The following TXNRD1 variants were observed in gnomAD, a reference collection of about 807,000 sequenced individuals.
The protein encoded by TXNRD1 is thioredoxin reductase 1.
A neutral mutation model predicts 80.3 loss-of-function variants in TXNRD1; 57 were observed. The observed-to-expected ratio is 0.71, with a 90% CI of 0.57 to 0.89. The LOEUF (loss-of-function observed/expected upper bound fraction) is 0.89, where lower values mean the gene tolerates loss of function less well. Among genes scored for constraint, TXNRD1 ranks in the 40% least tolerant of loss-of-function variants. The pLI, the probability that TXNRD1 is intolerant of heterozygous loss-of-function variation, is 0.00. For synonymous variants in TXNRD1, 291 were observed against 285.2 expected (o/e 1.02, Z -0.20); for missense variants, 730 against 803.0 (o/e 0.91, Z 1.10).
intron 2 of TXNRD1, among the ~76,000 whole-genome samples, chr12:104,252,660 T>TATATATATATATATATATATATATATATA (rs1182730147): frequency 1.9e-5 from 1 of 53,206 alleles, no homozygotes; most frequent in African/African-American, 1.1e-4. Context: ...ATTTATTATT[T>TATATATATATATATATATATATATATATA]TTTATATATA....
intron 3 of TXNRD1, chr12:104,286,944 ACT>A: frequency 8.3e-7 from 1 of 1,205,700 alleles, no homozygotes; most frequent in Non-Finnish European, 1.0e-6. Flanking sequence ...TGTCATTCTG[ACT>A]CTGGCAGTTA....
chr12:104,309,935 G>A lies in TXNRD1; in HGVS notation c.415-1355G>A, dbSNP rs984430913. The A allele has an allele frequency of 1.2e-5, 18 of 1,536,030 alleles. No homozygotes were observed. The South Asian group carries it at 1.3e-4, about 11-fold the overall frequency. ...AGTCCCTGAGCCACTACGTATGCCC[G>A]CCATGCTGCCAACAGGTAGCCACAG... On this transcript the variant is annotated intron_variant, in intron 4 of 16. Transcript: ENST00000525566.
chr12:104,342,026 T>C (rs544581210), intron 16 of TXNRD1, among the ~76,000 whole-genome samples: 117 of 152,282 alleles, frequency 7.7e-4, no homozygotes, highest in African/African-American at 2.6e-3. Flanking sequence ...AGAGCTTCCA[T>C]GTCCTCTCTA....
At chr12:104,317,406 A>G (rs1251500738) in intron 7 of TXNRD1, among the ~76,000 whole-genome samples, 1 of 145,584 alleles carries the variant, frequency 6.9e-6, no homozygotes. Context: ...CAATTTCTTA[A>G]GGTTTGCTCT....
chr12:104,310,019 T>C, intron 4 of TXNRD1: 1 of 1,536,192 alleles, frequency 6.5e-7, no homozygotes, highest in Non-Finnish European at 8.7e-7. Flanking sequence ...CCAAGAACCT[T>C]CTTCTTCCGC....
intron 1 of TXNRD1, among the ~76,000 whole-genome samples, chr12:104,232,323 G>T (rs940551818): frequency 3.3e-5 from 5 of 152,118 alleles, no homozygotes; most frequent in Admixed American, 6.6e-5. Context: ...AACACTTTGG[G>T]AGGCCGAGGT....
intron 16 of TXNRD1, chr12:104,346,097 T>TG (rs1277150967): frequency 2.3e-6 from 2 of 866,102 alleles, no homozygotes; most frequent in Non-Finnish European, 3.3e-6. Flanking sequence ...ACTGCAGCCT[T>TG]GACCTTTCAA....
intron 2 of TXNRD1, among the ~76,000 whole-genome samples, chr12:104,254,644 A>AAAAAAAAAAAAAAATATATAT: frequency 1.9e-4 from 18 of 93,626 alleles, no homozygotes; most frequent in Non-Finnish European, 2.7e-4. Context: ...AAAAAAAAAA[A>AAAAAAAAAAAAAAATATATAT]ATATATATAT....
chr12:104,313,168 A>G, intron 5 of TXNRD1, 77 bp from the exon 6 acceptor site: 2 of 1,191,126 alleles, frequency 1.7e-6, no homozygotes, highest in Middle Eastern at 3.8e-4. Context: ...TTAAAAAAAA[A>G]TCATGGATTT....
At chr12:104,325,210 G>A in intron 10 of TXNRD1, 127 bp from the exon 11 acceptor site, 3 of 674,314 alleles carry the variant, frequency 4.4e-6, no homozygotes, top group Non-Finnish European at 8.1e-6. Context: ...GAGGGAGATG[G>A]GACATAAAAG....
At position 104,304,076 on chromosome 12, in the gene TXNRD1, A is replaced by G. The variant is rs1414055603; in HGVS notation, c.415-7214A>G. ...CATCCGCAGGCAGTACCGGCAGCTC[A>G]TGTACTGCGTGCGGCAGAACCGGGA... On this transcript the variant is annotated intron_variant, in intron 4 of 16. Coordinates refer to ENST00000525566, the MANE Select transcript of TXNRD1 (RefSeq NM_001093771.3). The G allele has an allele frequency of 3.7e-6, 6 of 1,613,944 alleles. No homozygotes were observed. The South Asian group carries it at 5.5e-5, about 15-fold the overall frequency.
intron 10 of TXNRD1, among the ~76,000 whole-genome samples, chr12:104,324,448 T>G (rs1235076316): frequency 6.8e-6 from 1 of 147,168 alleles, no homozygotes; most frequent in Admixed American, 6.9e-5. Context: ...GCCTCCCGGG[T>G]TCACGCCATT....
chr12:104,303,685 C>T (rs1025958391), intron 4 of TXNRD1: 2 of 550,850 alleles, frequency 3.6e-6, no homozygotes, highest in Non-Finnish European at 6.0e-6. Context: ...GCGGGGCTGT[C>T]TTCCCGCGGA....
chr12:104,215,885 G>A lies in TXNRD1; in HGVS notation c.83G>A (p.Arg28His). Residue 28 changes from arginine (R) to histidine (H), a missense_variant, in exon 1 of 17, where the codon CGT becomes CAT. Transcript: ENST00000525566. ...AAAGGCAAGAACGGCGATGGCCGCC[G>A]TAGGTCAGGTACGACCGAGGGCGAA... ...QTKGKNGDGR[R>H]RSAKDHHPGK... 1.9e-6 allele frequency: 3 copies of A among 1,554,958 alleles called. No homozygotes were observed. The highest frequency in any genetic ancestry group is 2.4e-5 in the East Asian group (1 of 41,184).
chr12:104,249,718 G>A (rs1315912699), intron 1 of TXNRD1, among the ~76,000 whole-genome samples: 2 of 151,954 alleles, frequency 1.3e-5, no homozygotes, highest in Non-Finnish European at 1.5e-5. Flanking sequence ...GGCAGATCAC[G>A]AGGTCAGGAG....
At chr12:104,217,117 GCAAGGTC>G (rs780255002) in intron 1 of TXNRD1, among the ~76,000 whole-genome samples, 96 of 152,134 alleles carry the variant, frequency 6.3e-4, no homozygotes, top group Non-Finnish European at 1.3e-3. Context: ...GCAAGGTCAG[GCAAGGTC>G]CAGGTCAGGC....
At chr12:104,290,342 T>G (rs1389502421) in intron 4 of TXNRD1, among the ~76,000 whole-genome samples, 3 of 152,154 alleles carry the variant, frequency 2.0e-5, no homozygotes, top group Admixed American at 2.0e-4. Flanking sequence ...TAAAATATAT[T>G]GTGTTACTCA....
chr12:104,321,356 A>G, intron 10 of TXNRD1, 40 bp downstream of exon 10: 1 of 1,547,484 alleles, frequency 6.5e-7, no homozygotes, highest in Non-Finnish European at 8.9e-7. Flanking sequence ...TTCTACATTC[A>G]CAGTAAAAGG....
intron 12 of TXNRD1, among the ~76,000 whole-genome samples, chr12:104,326,892 G>A (rs2035785473): frequency 6.6e-6 from 1 of 152,106 alleles, no homozygotes; most frequent in South Asian, 2.1e-4. Flanking sequence ...CTGGAGTGCA[G>A]TAGTGCAATC....
Sources: gnomAD v4.1 joint callset for allele counts (sites outside exome capture counted in the v4.1 genomes callset) on GRCh38, gnomAD v4.1.1 for gene constraint, MANE v1.5 for transcripts, NCBI Gene and HGNC (gene_info 2026-07-23, HGNC 2026-07-21) for gene names.